Variants in ASAP1 observed in about 807,000 individuals in gnomAD.
ASAP1 encodes the protein ArfGAP with SH3 domain, ankyrin repeat and PH domain 1.
In ASAP1, 43 loss-of-function variants were observed where a neutral mutation model predicts 145.2. The ratio of observed to expected loss-of-function variants is 0.30; its 90% CI spans 0.23 to 0.38. The LOEUF (loss-of-function observed/expected upper bound fraction) is 0.38. ASAP1 is among the 10% of genes least tolerant of loss of function. The pLI is 1.00. For missense variants in ASAP1, 1,018 were observed against 1,355.3 expected (o/e 0.75, Z 3.91); for synonymous variants, 546 against 515.5 (o/e 1.06, Z -0.80).
At chr8:130,228,017 T>C (rs372225223) in intron 4 of ASAP1, among the ~76,000 whole-genome samples, 1 of 152,172 alleles carries the variant, frequency 6.6e-6, no homozygotes, top group East Asian at 1.9e-4. Flanking sequence ...TGCAGTATTG[T>C]TAGACACTAT....
rs1371702408 is a variant in ASAP1 at position 130,118,149 on chromosome 8, C to CA, written c.1880+11dup. 6.2e-7 allele frequency: 1 copy of CA among 1,611,094 alleles called. No homozygotes were observed. Among genetic ancestry groups the CA allele is most frequent in the Non-Finnish European group, 8.5e-7 (1 of 1,178,104 alleles). ...TATTCAGGTAATTCAACAGAGAAAA[C>CA]AAAAACGATACCAGTTTTGTACAAG... is the stretch of plus-strand genomic sequence containing the variant. On this transcript the variant is annotated intron_variant, in intron 20 of 29. Transcript: ENST00000518721.
intron 3 of ASAP1, among the ~76,000 whole-genome samples, chr8:130,351,911 T>C (rs1040880755): frequency 2.0e-5 from 3 of 152,222 alleles, no homozygotes; most frequent in Non-Finnish European, 4.4e-5. Context: ...TGTGCCTTGT[T>C]TTAGAAAGAG....
Position 130,358,895 on chromosome 8 carries a change from G to A in ASAP1, c.60-752C>T, listed in dbSNP as rs1407088602. Among the ~76,000 whole-genome samples the A allele has an allele frequency of 6.6e-6, 1 of 152,076 alleles. No individual in the cohort carries two copies. The highest frequency in any genetic ancestry group is 1.5e-5 in the Non-Finnish European group (1 of 68,002). On this transcript the variant is annotated intron_variant, in intron 2 of 29. Transcript: ENST00000518721. This position sits in a 1 kb window ranked among gnomAD's most constrained non-coding sequence, Gnocchi z 4.1. ...TTACTTCAGCGAGCTCGTTGCGCGA[G>A]CGTTTTGCAAGAAGGGGGCCCAAAA...
chr8:130,369,606 A>C (rs1173526018), intron 2 of ASAP1, among the ~76,000 whole-genome samples: 1 of 152,254 alleles, frequency 6.6e-6, no homozygotes. Context: ...GTGGATAATA[A>C]GCACATGAAA....
At chr8:130,437,104 C>CAA (rs56207589) in intron 1 of ASAP1, among the ~76,000 whole-genome samples, 47 of 89,334 alleles carry the variant, frequency 5.3e-4, no homozygotes, top group East Asian at 3.0e-3. Context: ...GATTTCATCT[C>CAA]AAAAAAAAAA....
intron 2 of ASAP1, among the ~76,000 whole-genome samples, chr8:130,359,385 C>T (rs1174617999): frequency 6.6e-6 from 1 of 151,580 alleles, no homozygotes; most frequent in Admixed American, 6.6e-5. Context: ...CTACTTAGTC[C>T]GAAGAATCCA....
In ASAP1 at chr8:130,137,015, C is replaced by T. The variant is rs2097596426; in HGVS notation, c.1104G>A (p.Leu368=). 4.3e-6 allele frequency: 7 copies of T among 1,614,228 alleles called. No individual in the cohort carries two copies. The East Asian group carries it at 1.6e-4, about 36-fold the overall frequency. ...GTTTTACTTGGCAGGTGAGAAGGTTCAACTTGGCTGGTTGCCTGTTAGACT... is the reference window on the plus strand; with the variant it reads ...GTTTTACTTGGCAGGTGAGAAGGTTTAACTTGGCTGGTTGCCTGTTAGACT... The part of the protein sequence containing the change: ...HATSNRQPAK[L]NLLTCQVKPN... Residue 368 remains leucine (L), a synonymous_variant, in exon 14 of 30, where the codon TTG becomes TTA. Coordinates refer to ENST00000518721, the MANE Select transcript of ASAP1 (RefSeq NM_018482.4).
At chr8:130,273,589 C>G (rs537924166) in intron 3 of ASAP1, among the ~76,000 whole-genome samples, 2 of 152,318 alleles carry the variant, frequency 1.3e-5, no homozygotes, top group East Asian at 1.9e-4. Flanking sequence ...CTCACAGGAT[C>G]TTGGTATCTG....
intron 3 of ASAP1, among the ~76,000 whole-genome samples, chr8:130,275,787 G>A (rs139993772): frequency 6.6e-6 from 1 of 152,118 alleles, no homozygotes; most frequent in Admixed American, 6.5e-5. Flanking sequence ...CCATATCAGA[G>A]AAAAGATAGA....
intron 2 of ASAP1, among the ~76,000 whole-genome samples, chr8:130,362,499 G>T (rs1162396479): frequency 6.6e-6 from 1 of 152,220 alleles, no homozygotes; most frequent in Non-Finnish European, 1.5e-5. Flanking sequence ...ATATGGATAA[G>T]TAGGCTGATG....
At chr8:130,072,818 T>TGTGTGTGTGTGTGTGTGTGTGTGTGTGG in intron 27 of ASAP1, among the ~76,000 whole-genome samples, 1 of 26,226 alleles carries the variant, frequency 3.8e-5, no homozygotes, top group Non-Finnish European at 8.0e-5. Flanking sequence ...TGTGTGTGTG[T>TGTGTGTGTGTGTGTGTGTGTGTGTGTGG]GTGTGTGCGC....
intron 3 of ASAP1, among the ~76,000 whole-genome samples, chr8:130,310,130 G>GT (rs200598241): frequency 2.0e-3 from 162 of 79,084 alleles, no homozygotes; most frequent in East Asian, 4.5e-3. Context: ...GGCTAATACA[G>GT]TTTTTTTTGG....
intron 5 of ASAP1, among the ~76,000 whole-genome samples, chr8:130,200,312 G>C (rs1020555262): frequency 3.3e-5 from 5 of 152,290 alleles, no homozygotes; most frequent in Middle Eastern, 6.8e-3. Flanking sequence ...ATTCTATACA[G>C]TTTTTAGAAT....
intron 5 of ASAP1, among the ~76,000 whole-genome samples, chr8:130,205,586 C>T (rs1167293645): frequency 7.6e-6 from 1 of 131,456 alleles, no homozygotes; most frequent in Non-Finnish European, 1.6e-5. Context: ...ATATAAAATA[C>T]ACGGCTTTTT....
chr8:130,099,102 C>T (rs888277447), intron 24 of ASAP1, among the ~76,000 whole-genome samples: 4 of 150,016 alleles, frequency 2.7e-5, no homozygotes, highest in Non-Finnish European at 5.9e-5. Flanking sequence ...CCTCAACTTC[C>T]GGGGCTCTGG....
intron 18 of ASAP1, among the ~76,000 whole-genome samples, chr8:130,122,126 G>GA (rs1051920862): frequency 6.5e-4 from 98 of 151,900 alleles, no homozygotes; most frequent in African/African-American, 2.1e-3. Context: ...CCTTCAACTT[G>GA]AAAAAAATAC....
chr8:130,136,808 T>C (rs2097595853), intron 14 of ASAP1, 143 bp downstream of exon 14: 1 of 696,770 alleles, frequency 1.4e-6, no homozygotes, highest in South Asian at 1.8e-5. Flanking sequence ...CTGGGGCATC[T>C]TCCTAGAGCA....
At chr8:130,431,893 T>G (rs1427785556) in intron 1 of ASAP1, among the ~76,000 whole-genome samples, 52 of 63,160 alleles carry the variant, frequency 8.2e-4, no homozygotes, top group South Asian at 2.9e-3. Context: ...AGGGGGAAGA[T>G]AAGGAGGGGG....
intron 29 of ASAP1, among the ~76,000 whole-genome samples, chr8:130,055,553 G>T (rs1024439975): frequency 1.3e-5 from 2 of 150,340 alleles, no homozygotes; most frequent in African/African-American, 4.9e-5. Context: ...AAAAAAAAAG[G>T]CTGCTATGTA....
Sources: gnomAD v4.1 joint callset for allele counts (sites outside exome capture counted in the v4.1 genomes callset) on GRCh38, gnomAD v4.1.1 for gene constraint, Gnocchi (gnomAD v3.1) non-coding constraint, MANE v1.5 for transcripts, NCBI Gene and HGNC (gene_info 2026-07-23, HGNC 2026-07-21) for gene names.